Variants in MAN1A2 observed in about 807,000 individuals in gnomAD.
MAN1A2 encodes mannosyl-oligosaccharide 1,2-alpha-mannosidase IB.
Under a neutral mutation model 75.7 loss-of-function variants are expected in MAN1A2, and 26 were observed. The observed-to-expected ratio is 0.34, with a 90% confidence interval of 0.25 to 0.48. MAN1A2 has a LOEUF of 0.48. Among genes scored for constraint, MAN1A2 ranks in the 20% least tolerant of loss-of-function variants. MAN1A2 has a pLI of 0.99. For missense variants in MAN1A2, 562 were observed against 775.5 expected (o/e 0.72, Z 3.27); for synonymous variants, 247 against 264.6 (o/e 0.93, Z 0.65).
chr1:117,369,101 G>A (rs1319456301), intron 1 of MAN1A2, among the ~76,000 whole-genome samples: 1 of 152,132 alleles, frequency 6.6e-6, no homozygotes, highest in Non-Finnish European at 1.5e-5. Flanking sequence ...AAAAGGTATT[G>A]AATCCTAAGT....
chr1:117,482,186 G>C lies in MAN1A2; in HGVS notation c.1169-10961G>C, dbSNP rs139326401. Among the ~76,000 whole-genome samples, 27 of 151,476 alleles carry C rather than the reference G, an allele frequency of 1.8e-4. No individual in the cohort carries two copies. In the South Asian group the frequency reaches 4.2e-3, roughly 23 times the overall value. ...ATCAACTCATCATTTACAACTCACCGTATGTCTTTACAGTAGCATGATTTA... is the reference window on the plus strand; with the variant it reads ...ATCAACTCATCATTTACAACTCACCCTATGTCTTTACAGTAGCATGATTTA... On this transcript the variant is annotated intron_variant, in intron 8 of 12. Coordinates refer to ENST00000356554, the MANE Select transcript of MAN1A2 (RefSeq NM_006699.5).
rs574615121 is a variant in MAN1A2, at chr1:117,455,870, A to G, written c.951-4619A>G. Among the ~76,000 whole-genome samples the G allele has an allele frequency of 7.9e-5, 12 of 152,122 alleles. No individual in the cohort carries two copies. The South Asian group carries it at 2.5e-3, about 32-fold the overall frequency. On this transcript the variant is annotated intron_variant, in intron 6 of 12. Coordinates refer to ENST00000356554, the MANE Select transcript of MAN1A2 (RefSeq NM_006699.5). ...TATATTACATATCCTCTCAAATTAA[A>G]TGAAAATGTAACAAAAATCAGACTT... is the stretch of plus-strand genomic sequence containing the variant.
chr1:117,429,270 C>T (rs1047559671), intron 5 of MAN1A2, among the ~76,000 whole-genome samples: 1 of 142,224 alleles, frequency 7.0e-6, no homozygotes, highest in African/African-American at 2.6e-5. Flanking sequence ...CTTTCTATTC[C>T]ACAAAGCCGC....
At chr1:117,376,276 A>G (rs1653141121) in intron 1 of MAN1A2, among the ~76,000 whole-genome samples, 1 of 150,034 alleles carries the variant, frequency 6.7e-6, no homozygotes, top group Non-Finnish European at 1.5e-5. Flanking sequence ...TGCTGCGGTC[A>G]AGAATAGGTC....
intron 9 of MAN1A2, among the ~76,000 whole-genome samples, chr1:117,496,404 C>T (rs766634768): frequency 2.0e-5 from 3 of 151,802 alleles, no homozygotes; most frequent in Non-Finnish European, 2.9e-5. Context: ...ATGTATGTTC[C>T]AGTAGGGTAG....
intron 8 of MAN1A2, among the ~76,000 whole-genome samples, chr1:117,478,986 C>T (rs1023439807): frequency 2.0e-5 from 3 of 151,470 alleles, no homozygotes; most frequent in Non-Finnish European, 4.4e-5. Flanking sequence ...CATAGGTAAA[C>T]GGGTGCCATG....
chr1:117,461,311 G>A lies in MAN1A2; in HGVS notation c.1074+699G>A, dbSNP rs553857195. Among the ~76,000 whole-genome samples the A allele has an allele frequency of 5.1e-4, 77 of 152,246 alleles. 1 individual carries two copies. The highest frequency in any genetic ancestry group is 3.9e-4 in the East Asian group (2 of 5,184). ...AAATAAGCCAAGCTTAGAAAGACAC[G>A]TATTATGTGTTCTCATTCATATGTG... is the stretch of plus-strand genomic sequence containing the variant. On this transcript the variant is annotated intron_variant, in intron 7 of 12. Coordinates refer to ENST00000356554, the MANE Select transcript of MAN1A2 (RefSeq NM_006699.5).
chr1:117,454,424 CCTT>C (rs1424097703), intron 6 of MAN1A2, among the ~76,000 whole-genome samples: 2 of 152,138 alleles, frequency 1.3e-5, no homozygotes, highest in Middle Eastern at 3.2e-3. Flanking sequence ...AGAAATACTT[CCTT>C]CTTATCATAA....
chr1:117,429,667 G>C (rs1208750448), intron 5 of MAN1A2, among the ~76,000 whole-genome samples: 1 of 102,548 alleles, frequency 9.8e-6, no homozygotes, highest in South Asian at 3.4e-4. Context: ...GGGCAGAGGC[G>C]CCCCTCACCT....
intron 1 of MAN1A2, among the ~76,000 whole-genome samples, chr1:117,383,476 G>A (rs1653421018): frequency 6.6e-6 from 1 of 152,138 alleles, no homozygotes; most frequent in Non-Finnish European, 1.5e-5. Flanking sequence ...CTCATAAAAT[G>A]AATTAGGAAA....
At chr1:117,420,344 G>T (rs1022164094) in intron 4 of MAN1A2, among the ~76,000 whole-genome samples, 6 of 151,956 alleles carry the variant, frequency 3.9e-5, no homozygotes, top group Admixed American at 1.3e-4. Flanking sequence ...ATAAAAAATG[G>T]CTTGTTGGTT....
chr1:117,436,365 G>A (rs1254774952), intron 5 of MAN1A2, among the ~76,000 whole-genome samples: 1 of 152,156 alleles, frequency 6.6e-6, no homozygotes, highest in Non-Finnish European at 1.5e-5. Context: ...GTTATTGCTG[G>A]TGCTGATGTC....
At position 117,525,302 on chromosome 1, in the gene MAN1A2, AT is replaced by A; in HGVS notation, c.*2352del. The A allele has an allele frequency of 7.7e-6, 2 of 258,694 alleles. No individual in the cohort carries two copies. Among genetic ancestry groups the A allele is most frequent in the African/African-American group, 2.2e-5 (1 of 45,090 alleles). 16.0% of individuals were successfully genotyped at this position (258,694 alleles called of 1,614,324 possible). Reference sequence around the variant, plus strand: ...GACTAGAGCTTATAAAAGTACTTCCATTTTTTTATTCTCCTGAATACCAAAG... The same window carrying A: ...GACTAGAGCTTATAAAAGTACTTCCATTTTTTATTCTCCTGAATACCAAAG... On this transcript the variant is annotated 3_prime_UTR_variant, in exon 13 of 13. Transcript: ENST00000356554.
chr1:117,469,807 A>G (rs1650091991), intron 8 of MAN1A2, among the ~76,000 whole-genome samples: 1 of 152,158 alleles, frequency 6.6e-6, no homozygotes, highest in African/African-American at 2.4e-5. Context: ...GACTGTAATC[A>G]AAAGGATGAA....
chr1:117,434,407 T>C (rs1356588897), intron 5 of MAN1A2, among the ~76,000 whole-genome samples: 1 of 152,236 alleles, frequency 6.6e-6, no homozygotes, highest in African/African-American at 2.4e-5. Context: ...AAATTGATAC[T>C]GTCTTTTCAG....
intron 11 of MAN1A2, among the ~76,000 whole-genome samples, chr1:117,500,078 C>T (rs1422979812): frequency 6.6e-6 from 1 of 151,728 alleles, no homozygotes; most frequent in Non-Finnish European, 1.5e-5. Context: ...TGGTAAATTG[C>T]CCAGACAGGA....
intron 1 of MAN1A2, among the ~76,000 whole-genome samples, chr1:117,379,010 A>C (rs1294950158): frequency 6.6e-6 from 1 of 152,088 alleles, no homozygotes; most frequent in African/African-American, 2.4e-5. Flanking sequence ...TTAGTTTTAC[A>C]CAAGTTTGAA....
At chr1:117,415,706 G>C (rs1217318520) in intron 4 of MAN1A2, among the ~76,000 whole-genome samples, 1 of 152,006 alleles carries the variant, frequency 6.6e-6, no homozygotes, top group Non-Finnish European at 1.5e-5. Flanking sequence ...AAGCAGTTCA[G>C]GGCTGGTTTG....
intron 1 of MAN1A2, among the ~76,000 whole-genome samples, chr1:117,375,848 T>A (rs996937464): frequency 6.6e-6 from 1 of 152,118 alleles, no homozygotes; most frequent in Non-Finnish European, 1.5e-5. Flanking sequence ...AGAGTTCAGA[T>A]AAGTTATTCT....
Sources: allele counts gnomAD v4.1 joint callset (sites outside exome capture counted in the v4.1 genomes callset), GRCh38; gene constraint gnomAD v4.1.1; transcripts MANE v1.5; gene names NCBI Gene and HGNC (gene_info 2026-07-23, HGNC 2026-07-21).